Variants in MILR1 observed in about 807,000 individuals in gnomAD.
MILR1 encodes mast cell immunoglobulin like receptor 1.
A neutral mutation model predicts 18.5 loss-of-function variants in MILR1; 31 were observed. The ratio of observed to expected loss-of-function variants is 1.68; its 90% CI spans 1.26 to 2.26. The LOEUF is 2.26. Ranked by LOEUF, MILR1 falls within the 30% of genes most tolerant of loss-of-function variation. The pLI, the probability that MILR1 is intolerant of heterozygous loss-of-function variation, is 0.00. For missense variants in MILR1, 257 were observed against 157.4 expected (o/e 1.63, Z -3.38); for synonymous variants, 85 against 56.2 (o/e 1.51, Z -2.30).
At chr17:64,465,935 G>A (rs138772603) in intron 6 of MILR1, among the ~76,000 whole-genome samples, 1 of 152,116 alleles carries the variant, frequency 6.6e-6, no homozygotes, top group East Asian at 1.9e-4. Context: ...CCAGCGCCTC[G>A]GCTGATGTAT....
chr17:64,461,538 T>G (rs2037432491), intron 5 of MILR1, among the ~76,000 whole-genome samples: 1 of 152,120 alleles, frequency 6.6e-6, no homozygotes. Context: ...TGTGAGCCAC[T>G]GCTCCCGGCT....
At chr17:64,480,291 C>T in the MILR1 span, 11 of 1,475,610 alleles carry the variant, frequency 7.5e-6, no homozygotes, top group Middle Eastern at 1.7e-4. Flanking sequence ...ATTCTTACTT[C>T]GAATAAAGTT....
intron 5 of MILR1, among the ~76,000 whole-genome samples, 162 bp from the exon 6 acceptor site, chr17:64,465,290 C>T (rs531980068): frequency 1.6e-4 from 25 of 152,180 alleles, no homozygotes; most frequent in African/African-American, 5.8e-4. Context: ...GTCTAGACTC[C>T]CTGTTGAGTC....
chr17:64,455,607 C>T (rs2037276952), intron 3 of MILR1, among the ~76,000 whole-genome samples: 1 of 139,910 alleles, frequency 7.1e-6, no homozygotes, highest in South Asian at 2.5e-4. Flanking sequence ...GCGCCTGCCA[C>T]CACGCCTGGC....
rs1555663245 is a variant in MILR1, at chr17:64,466,496, A to ATGG, written c.910+1_910+3dup. On this transcript the variant is annotated inframe_insertion and splice_region_variant, in exon 7 of 10. Transcript: ENST00000619286. ...AGGCCGTGTGTTTCCACAGCCCAAG[A>ATGG]TGGTGAGCATGTTCTGCAGAGTCTA... The ATGG allele has an allele frequency of 6.8e-6, 11 of 1,613,652 alleles. No homozygotes were observed. The highest frequency in any genetic ancestry group is 9.3e-6 in the Non-Finnish European group (11 of 1,179,790).
downstream of MILR1, among the ~76,000 whole-genome samples, chr17:64,472,966 C>T (rs1213415236): frequency 6.6e-6 from 1 of 152,190 alleles, no homozygotes; most frequent in Non-Finnish European, 1.5e-5. Flanking sequence ...GCACAGAAAT[C>T]TTGCTGGGAT....
chr17:64,487,596 A>G, the MILR1 span: 14 of 145,258 alleles, frequency 9.6e-5, no homozygotes, highest in African/African-American at 3.5e-4. Flanking sequence ...CCTGGGTGAC[A>G]GAGTGAGACA....
At chr17:64,486,891 GACTT>G in the MILR1 span, 2 of 152,136 alleles carry the variant, frequency 1.3e-5, no homozygotes, top group Non-Finnish European at 2.9e-5. Context: ...TTGATAAACA[GACTT>G]ACTTCTTCTC....
At chr17:64,492,040 C>T in the MILR1 span, among the ~76,000 whole-genome samples, 1 of 151,318 alleles carries the variant, frequency 6.6e-6, no homozygotes, top group Non-Finnish European at 1.5e-5. Context: ...GAAAGAACTA[C>T]AGAGAAAAAA....
intron 9 of MILR1, 47 bp downstream of exon 9, chr17:64,467,692 T>C (rs1555663727): frequency 8.2e-7 from 1 of 1,215,836 alleles, no homozygotes; most frequent in African/African-American, 1.5e-5. Context: ...AAAAGCAAAC[T>C]TGAGGCTGAG....
chr17:64,475,137 G>T, the MILR1 span, among the ~76,000 whole-genome samples: 1 of 148,480 alleles, frequency 6.7e-6, no homozygotes, highest in Admixed American at 6.8e-5. Context: ...AGTAGGCCAA[G>T]ATCGCACCAC....
intron 9 of MILR1, 185 bp downstream of exon 9, chr17:64,467,830 G>A (rs2037611322): frequency 2.3e-6 from 1 of 430,578 alleles, no homozygotes; most frequent in East Asian, 4.6e-5. Flanking sequence ...AGCTACTCGG[G>A]AGGCTGAGGC....
At chr17:64,485,958 C>G in the MILR1 span, 1 of 1,336,716 alleles carries the variant, frequency 7.5e-7, no homozygotes, top group Non-Finnish European at 1.1e-6. Flanking sequence ...TGTCACCTGG[C>G]CAGGCTGGAG....
chr17:64,460,726 AAC>A (rs2037412561), intron 4 of MILR1, 94 bp from the exon 5 acceptor site: 4 of 446,788 alleles, frequency 9.0e-6, no homozygotes, highest in East Asian at 3.3e-5. Flanking sequence ...TACATTGGTT[AAC>A]TTGGGAGACA....
the MILR1 span, chr17:64,490,355 A>T: frequency 5.1e-6 from 1 of 194,454 alleles, no homozygotes; most frequent in Non-Finnish European, 1.1e-5. Flanking sequence ...AGAGCTTCTC[A>T]GTACTACCAC....
At chr17:64,476,198 ATC>A in the MILR1 span, among the ~76,000 whole-genome samples, 1 of 152,206 alleles carries the variant, frequency 6.6e-6, no homozygotes, top group African/African-American at 2.4e-5. Context: ...AAATGTATGT[ATC>A]TGTCAGACAA....
At chr17:64,491,001 T>A in the MILR1 span, 1 of 1,524,218 alleles carries the variant, frequency 6.6e-7, no homozygotes, top group Middle Eastern at 1.7e-4. Flanking sequence ...TGTCTTAACA[T>A]ATTTAAATAA....
the MILR1 span, chr17:64,480,249 C>G: frequency 1.2e-6 from 1 of 855,904 alleles, no homozygotes; most frequent in Admixed American, 2.0e-5. Flanking sequence ...ATCAAAAACT[C>G]TTGAATAAAT....
chr17:64,460,359 A>G (rs1267508389), intron 4 of MILR1, among the ~76,000 whole-genome samples: 1 of 151,202 alleles, frequency 6.6e-6, no homozygotes, highest in Admixed American at 6.6e-5. Flanking sequence ...ATTTATAGAG[A>G]CAGGGTCTGG....
Sources: gnomAD v4.1 joint callset for allele counts (sites outside exome capture counted in the v4.1 genomes callset) on GRCh38, gnomAD v4.1.1 for gene constraint, MANE v1.5 for transcripts, NCBI Gene and HGNC (gene_info 2026-07-23, HGNC 2026-07-21) for gene names.